GDAP1: variants seen among roughly 807,000 people sequenced by gnomAD.
The protein encoded by GDAP1 is ganglioside-induced differentiation-associated protein 1.
In GDAP1, 34 loss-of-function variants were observed where a neutral mutation model predicts 40.1. The ratio of observed to expected loss-of-function variants is 0.85; its 90% CI spans 0.64 to 1.13. The LOEUF is 1.13. Among genes scored for constraint, GDAP1 ranks in the 50% most tolerant of loss-of-function variants. The pLI is 0.00. For synonymous variants in GDAP1, 170 were observed against 157.4 expected, an observed-to-expected ratio of 1.08 and a Z score of -0.60; for missense variants, 374 against 433.7, an observed-to-expected ratio of 0.86 and a Z score of 1.22.
At chr8:74,415,865 G>C (rs374783507) in intron 2 of GDAP1, among the ~76,000 whole-genome samples, 1 of 149,784 alleles carries the variant, frequency 6.7e-6, no homozygotes, top group African/African-American at 2.6e-5. Flanking sequence ...GGGACTGTGA[G>C]AGAGGTTCTG....
At chr8:74,422,159 CTTCTTTCTTTCTT>C (rs201295504) in intron 2 of GDAP1, among the ~76,000 whole-genome samples, 4,837 of 151,576 alleles carry the variant, frequency 0.032, 245 homozygotes, top group African/African-American at 0.11. Flanking sequence ...TCTTCATTTT[CTTCTTTCTTTCTT>C]TTCTTTCTTT....
intron 2 of GDAP1, among the ~76,000 whole-genome samples, chr8:74,468,518 CACACACAT>C (rs949884821): frequency 1.6e-5 from 2 of 126,972 alleles, no homozygotes; most frequent in African/African-American, 2.9e-5. Flanking sequence ...CACACACACA[CACACACAT>C]GAATGTGTAT....
chr8:74,367,966 G>T (rs1239369003), downstream of GDAP1, among the ~76,000 whole-genome samples: 1 of 152,162 alleles, frequency 6.6e-6, no homozygotes, highest in African/African-American at 2.4e-5. Context: ...CATGCCTGTG[G>T]TGGGCCTTGA....
intron 2 of GDAP1, among the ~76,000 whole-genome samples, chr8:74,475,430 A>G (rs1353079310): frequency 6.6e-6 from 1 of 151,960 alleles, no homozygotes; most frequent in Non-Finnish European, 1.5e-5. Context: ...AGTGCCATAA[A>G]TTTTCCTTTT....
intron 2 of GDAP1, among the ~76,000 whole-genome samples, chr8:74,399,387 G>A (rs1485706147): frequency 2.0e-5 from 3 of 149,650 alleles, no homozygotes; most frequent in African/African-American, 7.7e-5. Flanking sequence ...TGTGGGATCG[G>A]TGGTGATATC....
At chr8:74,406,673 T>G (rs1275361047) in intron 2 of GDAP1, among the ~76,000 whole-genome samples, 2 of 150,228 alleles carry the variant, frequency 1.3e-5, no homozygotes, top group Non-Finnish European at 2.9e-5. Context: ...TCTCTCCCAC[T>G]TATTTTTCTA....
chr8:74,386,255 T>C (rs1432715488), intron 2 of GDAP1, among the ~76,000 whole-genome samples: 1 of 150,636 alleles, frequency 6.6e-6, no homozygotes, highest in Non-Finnish European at 1.5e-5. Flanking sequence ...TCGTCATAAG[T>C]TTTTGCCCAT....
chr8:74,476,841 T>C (rs181669704), intron 2 of GDAP1, among the ~76,000 whole-genome samples: 1 of 152,346 alleles, frequency 6.6e-6, no homozygotes, highest in East Asian at 1.9e-4. Flanking sequence ...CTAGCTATGT[T>C]GGGGAAGTTC....
At chr8:74,476,395 C>T (rs1332780029) in intron 2 of GDAP1, among the ~76,000 whole-genome samples, 1 of 151,942 alleles carries the variant, frequency 6.6e-6, no homozygotes, top group Non-Finnish European at 1.5e-5. Context: ...TCTGTGTATT[C>T]ATGTGTTTTT....
chr8:74,360,703 G>A (rs1362046067), intron 3 of GDAP1, among the ~76,000 whole-genome samples: 8 of 152,172 alleles, frequency 5.3e-5, no homozygotes, highest in Admixed American at 2.6e-4. Context: ...TGTTGTTTTC[G>A]TTATTTGAGG....
chr8:74,359,082 T>C (rs146320932), intron 2 of GDAP1, among the ~76,000 whole-genome samples: 1 of 152,310 alleles, frequency 6.6e-6, no homozygotes, highest in Non-Finnish European at 1.5e-5. Flanking sequence ...TTTTATTCTT[T>C]TTCGATAGTC....
intron 2 of GDAP1, among the ~76,000 whole-genome samples, chr8:74,388,162 GTC>G (rs750658208): frequency 1.3e-5 from 2 of 151,392 alleles, no homozygotes. Flanking sequence ...GGTTTTTCGT[GTC>G]TCTCTCTCTC....
At chr8:74,379,145 T>TAATAGTGTA in intron 2 of GDAP1, among the ~76,000 whole-genome samples, 1 of 152,070 alleles carries the variant, frequency 6.6e-6, no homozygotes, top group South Asian at 2.1e-4. Flanking sequence ...ACTTTCAGGG[T>TAATAGTGTA]CCGACTCAGG....
chr8:74,374,545 T>G (rs541902775), intron 2 of GDAP1, among the ~76,000 whole-genome samples: 37 of 151,658 alleles, frequency 2.4e-4, no homozygotes, highest in African/African-American at 8.2e-4. Flanking sequence ...GAAACAAAAA[T>G]TAACGAAACT....
chr8:74,402,309 A>T (rs889745517), intron 2 of GDAP1, among the ~76,000 whole-genome samples: 12 of 150,410 alleles, frequency 8.0e-5, no homozygotes, highest in East Asian at 3.9e-4. Flanking sequence ...GATCTCAGAC[A>T]GCAGTGCTAG....
At chr8:74,436,040 TAATA>T (rs1420555540) in intron 2 of GDAP1, among the ~76,000 whole-genome samples, 1 of 152,216 alleles carries the variant, frequency 6.6e-6, no homozygotes, top group Non-Finnish European at 1.5e-5. Context: ...TTTAAGCTGT[TAATA>T]AAAAGCAGGC....
intron 2 of GDAP1, among the ~76,000 whole-genome samples, chr8:74,396,865 A>G (rs1035132698): frequency 2.6e-5 from 4 of 152,218 alleles, no homozygotes; most frequent in Non-Finnish European, 2.9e-5. Context: ...CTTTGCATAT[A>G]TACCCAGTAA....
intron 2 of GDAP1, among the ~76,000 whole-genome samples, chr8:74,394,123 G>A (rs550191399): frequency 9.8e-5 from 15 of 152,310 alleles, no homozygotes; most frequent in African/African-American, 3.4e-4. Context: ...ACAATTTGGT[G>A]GAAGGCAGGG....
chr8:74,474,458 G>T (rs1265719152), intron 2 of GDAP1, among the ~76,000 whole-genome samples: 1 of 152,028 alleles, frequency 6.6e-6, no homozygotes, highest in Non-Finnish European at 1.5e-5. Context: ...TTATTTTGAG[G>T]TATGTCCTTT....
Sources: gnomAD v4.1 joint callset for allele counts (sites outside exome capture counted in the v4.1 genomes callset) on GRCh38, gnomAD v4.1.1 for gene constraint, MANE v1.5 for transcripts, NCBI Gene and HGNC (gene_info 2026-07-23, HGNC 2026-07-21) for gene names.